Variants in NPIPA5 observed in about 807,000 individuals in gnomAD.
The protein encoded by NPIPA5 is nuclear pore complex interacting protein family member A5.
A neutral mutation model predicts 21.4 loss-of-function variants in NPIPA5; 6 were observed. The observed-to-expected ratio is 0.28, with a 90% confidence interval of 0.15 to 0.55. The LOEUF (loss-of-function observed/expected upper bound fraction) is 0.55. Among genes scored for constraint, NPIPA5 ranks in the 20% least tolerant of loss-of-function variants. The probability of loss-of-function intolerance (pLI) is 0.93; values close to 1 mark genes in which losing one functional copy is unlikely to be tolerated. For synonymous variants in NPIPA5, 33 were observed against 115.3 expected, an observed-to-expected ratio of 0.29 and a Z score of 4.57; for missense variants, 99 against 318.2, an observed-to-expected ratio of 0.31 and a Z score of 5.24.
intron 2 of NPIPA5, among the ~76,000 whole-genome samples, chr16:15,370,538 G>T (rs1461041877): frequency 2.7e-5 from 4 of 146,046 alleles, no homozygotes; most frequent in African/African-American, 7.5e-5. Flanking sequence ...GAACACCTGA[G>T]GTCGGGAGTT....
At chr16:15,377,456 C>T (rs1406921572) in intron 1 of NPIPA5, among the ~76,000 whole-genome samples, 2 of 144,966 alleles carry the variant, frequency 1.4e-5, no homozygotes, top group African/African-American at 5.0e-5. Flanking sequence ...CACAGGTGGA[C>T]TGATGGCTGA....
intron 1 of NPIPA5, among the ~76,000 whole-genome samples, chr16:15,377,069 T>C (rs1007245121): frequency 4.0e-5 from 6 of 151,486 alleles, no homozygotes; most frequent in African/African-American, 1.5e-4. Flanking sequence ...GAGACAAGAG[T>C]GCAGCGGGGC....
At chr16:15,368,935 T>TGCCAC (rs2050061197) in intron 4 of NPIPA5, among the ~76,000 whole-genome samples, 1 of 112,406 alleles carries the variant, frequency 8.9e-6, no homozygotes, top group Non-Finnish European at 1.7e-5. Context: ...GCCAAGATCA[T>TGCCAC]GCCACTGCAC....
intron 4 of NPIPA5, among the ~76,000 whole-genome samples, chr16:15,369,303 A>G (rs1178649401): frequency 6.7e-6 from 1 of 149,712 alleles, no homozygotes; most frequent in Non-Finnish European, 1.5e-5. Flanking sequence ...TAAAAATACA[A>G]AAATTAGCTG....
rs1217819219 is a variant in NPIPA5 at position 15,377,602 on chromosome 16, GGGACC to G, written c.63+625_63+629del. ...AGGGCAGGGCGGAGGGAAGGGGACG[GGGACC>G]GGGGCCGGATCTGAGTTGGGGAGGG... On this transcript the variant is annotated intron_variant, in intron 1 of 7. Transcript: ENST00000360151. 1.6e-3 allele frequency among the ~76,000 whole-genome samples: 225 copies of G among 137,470 alleles called. 3 individuals carry two copies. The highest frequency in any genetic ancestry group is 5.9e-3 in the African/African-American group (220 of 37,108). 90.2% of individuals were successfully genotyped at this position (137,470 alleles called of 152,430 possible).
At position 15,368,435 on chromosome 16, in the gene NPIPA5, C is replaced by T. The variant is rs943751788; in HGVS notation, c.437+1277G>A. The stretch of plus-strand genomic sequence containing the variant: ...GATAACATGCTACTAGGTCTCAGTT[C>T]ATTGCTAAATATTTTTTAAAAAGTA... On this transcript the variant is annotated intron_variant, in intron 4 of 7. Transcript: ENST00000360151. Among the ~76,000 whole-genome samples, 23 of 152,180 alleles carry T rather than the reference C, an allele frequency of 1.5e-4. 1 individual carries two copies. Among genetic ancestry groups the T allele is most frequent in the African/African-American group, 5.5e-4 (23 of 41,460 alleles).
chr16:15,368,098 C>G (rs2050027029), intron 4 of NPIPA5, among the ~76,000 whole-genome samples: 1 of 117,192 alleles, frequency 8.5e-6, no homozygotes, highest in Non-Finnish European at 1.8e-5. Flanking sequence ...GCATTTGGAA[C>G]CCATTTCCCT....
At chr16:15,368,532 A>C (rs2050046249) in intron 4 of NPIPA5, among the ~76,000 whole-genome samples, 1 of 151,686 alleles carries the variant, frequency 6.6e-6, no homozygotes, top group African/African-American at 2.4e-5. Context: ...AACATGAAAG[A>C]CTGTGAAAAT....
In NPIPA5 at chr16:15,366,737, T is replaced by A; in HGVS notation, c.461A>T (p.Glu154Val). The change falls in exon 5 of 8, where the codon GAA becomes GTA. Residue 154 changes from glutamate (E) to valine (V), a missense_variant. Around this residue, in one of 5 missense-constraint regions of NPIPA5, gnomAD observed 12 missense variants for 18.6 expected, o/e 0.64. Transcript: ENST00000360151. The part of the protein sequence containing the change: ...KEHLRKLSMK[E>V]REHGEKERQV... ...CCTCTCCTTTTCTCCGTGCTCACGT[T>A]CTTTCATGCTTAGTTTCCTCAGACT... 6.6e-7 allele frequency: 1 copy of A among 1,524,630 alleles called. No homozygotes were observed. Among genetic ancestry groups the A allele is most frequent in the African/African-American group, 1.4e-5 (1 of 72,460 alleles). 94.4% of individuals were successfully genotyped at this position (1,524,630 alleles called of 1,614,324 possible). A position where few individuals can be genotyped will look rare whatever the true frequency, so the allele number is the denominator to read the frequency against.
intron 4 of NPIPA5, among the ~76,000 whole-genome samples, chr16:15,368,495 C>A (rs2050044682): frequency 1.3e-5 from 2 of 151,852 alleles, no homozygotes; most frequent in East Asian, 1.9e-4. Flanking sequence ...AGTCATATGG[C>A]AGCAAAATAC....
At chr16:15,368,463 T>C (rs1042730298) in intron 4 of NPIPA5, among the ~76,000 whole-genome samples, 8 of 152,088 alleles carry the variant, frequency 5.3e-5, no homozygotes, top group Admixed American at 3.3e-4. Context: ...AAAAAGTATC[T>C]CACATTTAAC....
intron 1 of NPIPA5, among the ~76,000 whole-genome samples, chr16:15,377,209 TG>T (rs71152417): frequency 0.46 from 66,725 of 144,504 alleles, 16,013 homozygotes; most frequent in Non-Finnish European, 0.57. Flanking sequence ...TTTGTAGAGA[TG>T]GGGTTTCGCT....
At chr16:15,368,425 G>A (rs1049562942) in intron 4 of NPIPA5, among the ~76,000 whole-genome samples, 3 of 152,022 alleles carry the variant, frequency 2.0e-5, no homozygotes, top group Non-Finnish European at 2.9e-5. Context: ...CATGCTACTA[G>A]GTCTCAGTTC....
At position 15,377,605 on chromosome 16, in the gene NPIPA5, A is replaced by ACC. The variant is rs1157207059; in HGVS notation, c.63+625_63+626dup. ...GCAGGGCGGAGGGAAGGGGACGGGGACCGGGGCCGGATCTGAGTTGGGGAG... is the reference window on the plus strand; with the variant it reads ...GCAGGGCGGAGGGAAGGGGACGGGGACCCCGGGGCCGGATCTGAGTTGGGGAG... On this transcript the variant is annotated intron_variant, in intron 1 of 7. Transcript: ENST00000360151. Among the ~76,000 whole-genome samples the ACC allele has an allele frequency of 3.2e-5, 4 of 123,124 alleles. No homozygotes were observed. In the South Asian group the frequency reaches 1.3e-3, roughly 41 times the overall value. The allele number at this position is 123,124 out of a possible 152,430, so 80.8% of individuals were successfully genotyped here. A position where few individuals can be genotyped will look rare whatever the true frequency, so the allele number is the denominator to read the frequency against.
intron 1 of NPIPA5, among the ~76,000 whole-genome samples, chr16:15,377,822 C>A (rs1206746335): frequency 6.6e-6 from 1 of 150,890 alleles, no homozygotes; most frequent in Non-Finnish European, 1.5e-5. Context: ...ATCAGGGAAG[C>A]AACAGGACAG....
At chr16:15,374,274 C>T (rs1598402093) in intron 1 of NPIPA5, among the ~76,000 whole-genome samples, 1 of 151,030 alleles carries the variant, frequency 6.6e-6, no homozygotes, top group African/African-American at 2.4e-5. Context: ...TCTCGGCTCA[C>T]TGCAACCTCC....
rs1168597189 is a variant in NPIPA5, at chr16:15,371,421, A to G, written c.193-1302T>C. On this transcript the variant is annotated intron_variant, in intron 2 of 7. Coordinates refer to ENST00000360151, the MANE Select transcript of NPIPA5 (RefSeq NM_001277325.2). ...TGCTTTTAATCTTCGAAGATATTAA[A>G]TATTTGTTCTCATCATAGCTAAAAT... Among the ~76,000 whole-genome samples the G allele has an allele frequency of 3.3e-4, 49 of 148,682 alleles. 4 individuals carry two copies. Among genetic ancestry groups the G allele is most frequent in the Non-Finnish European group, 6.4e-4 (43 of 67,360 alleles).
At position 15,370,422 on chromosome 16, in the gene NPIPA5, TCA is replaced by T. The variant is rs576379543; in HGVS notation, c.193-305_193-304del. The stretch of plus-strand genomic sequence containing the variant: ...GCCTGAGTGACAGAATGAGACTCTG[TCA>T]CACACACACACACACACACACACAC... On this transcript the variant is annotated intron_variant, in intron 2 of 7. Coordinates refer to ENST00000360151, the MANE Select transcript of NPIPA5 (RefSeq NM_001277325.2). 3.9e-3 allele frequency among the ~76,000 whole-genome samples: 457 copies of T among 118,392 alleles called. 16 individuals carry two copies. The East Asian group carries it at 0.06, about 16-fold the overall frequency. The allele number at this position is 118,392 out of a possible 152,430, so 77.7% of individuals were successfully genotyped here.
intron 2 of NPIPA5, among the ~76,000 whole-genome samples, chr16:15,372,106 G>A (rs1396515405): frequency 6.7e-6 from 1 of 148,790 alleles, no homozygotes; most frequent in Non-Finnish European, 1.5e-5. Context: ...TAGATGACAA[G>A]GACAAAGATG....
Sources: gnomAD v4.1 joint callset for allele counts (sites outside exome capture counted in the v4.1 genomes callset) on GRCh38, gnomAD v4.1.1 for gene constraint, gnomAD v4.1.1 regional missense constraint, MANE v1.5 for transcripts, NCBI Gene and HGNC (gene_info 2026-07-23, HGNC 2026-07-21) for gene names.